The following PCNX2 variants were observed in gnomAD, a reference collection of about 807,000 sequenced individuals.
The protein encoded by PCNX2 is pecanex-like protein 2.
A neutral mutation model predicts 223.8 loss-of-function variants in PCNX2; 168 were observed. The ratio of observed to expected loss-of-function variants is 0.75; its 90% confidence interval spans 0.66 to 0.85. PCNX2 has a LOEUF of 0.85. PCNX2 is among the 40% of genes least tolerant of loss of function. The pLI, the probability that PCNX2 is intolerant of heterozygous loss-of-function variation, is 0.00. For synonymous variants in PCNX2, 1,006 were observed against 1,052.6 expected (o/e 0.96, Z 0.86); for missense variants, 2,507 against 2,675.5 (o/e 0.94, Z 1.39).
intron 23 of PCNX2, among the ~76,000 whole-genome samples, chr1:233,062,610 T>C (rs1216320177): frequency 6.6e-6 from 1 of 152,218 alleles, no homozygotes; most frequent in East Asian, 1.9e-4. Flanking sequence ...CTTTAATTTG[T>C]TTGCACTTGC....
At chr1:233,226,993 TGTTAATTTATTATTAATAA>T (rs1183229914) in intron 10 of PCNX2, among the ~76,000 whole-genome samples, 1 of 152,216 alleles carries the variant, frequency 6.6e-6, no homozygotes, top group Non-Finnish European at 1.5e-5. Context: ...ATTATTAATA[TGTTAATTTATTATTAATAA>T]GAGTTACTTA....
chr1:233,208,791 T>A, intron 12 of PCNX2, 102 bp from the exon 13 acceptor site: 1 of 360,414 alleles, frequency 2.8e-6, no homozygotes. Context: ...CTTATACATA[T>A]AACACATTTT....
At chr1:233,246,594 G>A (rs906380291) in intron 8 of PCNX2, among the ~76,000 whole-genome samples, 2 of 152,152 alleles carry the variant, frequency 1.3e-5, no homozygotes, top group African/African-American at 4.8e-5. Flanking sequence ...ACAAATGGTG[G>A]CTGTTACTAC....
At position 233,172,565 on chromosome 1, in the gene PCNX2, G is replaced by C. The variant is rs569336366; in HGVS notation, c.3273+5237C>G. On this transcript the variant is annotated intron_variant, in intron 17 of 33. Coordinates refer to ENST00000258229, the MANE Select transcript of PCNX2 (RefSeq NM_014801.4). ...AGAGTGTGGCACTTTGGTGTCCCAG[G>C]CTGATGATCCATGGTCTGGCATTGG... 5.1e-6 allele frequency: 5 copies of C among 984,712 alleles called. No individual in the cohort carries two copies. The African/African-American group carries it at 5.2e-5, about 10-fold the overall frequency. 61.0% of individuals were successfully genotyped at this position (984,712 alleles called of 1,614,324 possible).
chr1:233,277,375 C>T (rs1440322830), intron 1 of PCNX2, among the ~76,000 whole-genome samples: 1 of 152,174 alleles, frequency 6.6e-6, no homozygotes, highest in Admixed American at 6.5e-5. Context: ...TAATTTTCTC[C>T]AGCACTTCTT....
At chr1:233,286,425 GGCTGGCTA>G (rs1661448677) in intron 1 of PCNX2, among the ~76,000 whole-genome samples, 1 of 152,226 alleles carries the variant, frequency 6.6e-6, no homozygotes, top group African/African-American at 2.4e-5. Context: ...ATCAGAGACT[GGCTGGCTA>G]GCTGCTTTGA....
At chr1:233,041,688 C>G (rs942892066) in intron 25 of PCNX2, among the ~76,000 whole-genome samples, 1 of 152,226 alleles carries the variant, frequency 6.6e-6, no homozygotes, top group African/African-American at 2.4e-5. Context: ...ACAGCAGATC[C>G]AGGTATTCTG....
upstream of PCNX2, among the ~76,000 whole-genome samples, chr1:233,297,952 A>G (rs556331791): frequency 4.6e-5 from 7 of 152,316 alleles, no homozygotes; most frequent in East Asian, 1.2e-3. Context: ...TTGGGTTGAG[A>G]TGACTATACT....
intron 17 of PCNX2, among the ~76,000 whole-genome samples, chr1:233,168,518 T>C (rs1396176701): frequency 6.6e-6 from 1 of 152,104 alleles, no homozygotes; most frequent in East Asian, 1.9e-4. Context: ...TTTTCCATCT[T>C]GTGATATCAT....
chr1:233,098,849 T>G (rs938001301), intron 21 of PCNX2, among the ~76,000 whole-genome samples: 8 of 152,216 alleles, frequency 5.3e-5, no homozygotes, highest in African/African-American at 1.9e-4. Context: ...GATGATAATA[T>G]TACCCCCTCA....
chr1:233,272,421 T>G (rs1016808515), intron 1 of PCNX2, among the ~76,000 whole-genome samples: 1 of 151,976 alleles, frequency 6.6e-6, no homozygotes, highest in Admixed American at 6.5e-5. Context: ...ATCAGGGAGA[T>G]GCAAATCAAA....
chr1:233,129,159 G>A (rs1015478854), intron 21 of PCNX2, among the ~76,000 whole-genome samples: 3 of 152,246 alleles, frequency 2.0e-5, no homozygotes, highest in African/African-American at 2.4e-5. Flanking sequence ...TGTGCGTGGC[G>A]CTTGTGGGCC....
intron 15 of PCNX2, 116 bp from the exon 16 acceptor site, chr1:233,179,291 G>T (rs1572028726): frequency 1.9e-6 from 2 of 1,060,234 alleles, no homozygotes; most frequent in East Asian, 5.3e-5. Context: ...TTATTCCCAT[G>T]ATTATTCCTG....
chr1:233,022,208 G>A (rs984527605), intron 26 of PCNX2, among the ~76,000 whole-genome samples: 5 of 152,140 alleles, frequency 3.3e-5, no homozygotes, highest in African/African-American at 1.2e-4. Context: ...ACTGAATTAG[G>A]ATCTCTTCTG....
intron 12 of PCNX2, chr1:233,210,705 A>G (rs1413831341): frequency 2.1e-6 from 2 of 941,962 alleles, no homozygotes; most frequent in Admixed American, 6.2e-5. Flanking sequence ...TTTTTCCAGT[A>G]GAAAAATTCC....
intron 13 of PCNX2, among the ~76,000 whole-genome samples, chr1:233,204,469 C>A (rs1372732324): frequency 6.6e-6 from 1 of 152,158 alleles, no homozygotes; most frequent in Non-Finnish European, 1.5e-5. Context: ...CTTTTGTTTT[C>A]TCCCAATGTT....
rs1239431078 is a variant in PCNX2 at position 233,232,866 on chromosome 1, A to AATG, written c.2358+3976_2358+3978dup. ...AATGCTTGACCGTCATGCTATCCAT[A>AATG]ATGATAATAATAATAATAATGCCAC... On this transcript the variant is annotated intron_variant, in intron 9 of 33. Transcript: ENST00000258229. 3.0e-6 allele frequency: 3 copies of AATG among 985,122 alleles called. No individual in the cohort carries two copies. In the African/African-American group the frequency reaches 5.2e-5, roughly 17 times the overall value. 61.0% of individuals were successfully genotyped at this position (985,122 alleles called of 1,614,324 possible). A position where few individuals can be genotyped will look rare whatever the true frequency, so the allele number is the denominator to read the frequency against.
intron 23 of PCNX2, among the ~76,000 whole-genome samples, chr1:233,065,912 A>G (rs1397372884): frequency 6.6e-6 from 1 of 152,184 alleles, no homozygotes; most frequent in Admixed American, 6.5e-5. Context: ...AAGACAAATT[A>G]AAGCCTGAAA....
intron 25 of PCNX2, among the ~76,000 whole-genome samples, chr1:233,052,719 A>C (rs1572050042): frequency 6.6e-6 from 1 of 152,322 alleles, no homozygotes; most frequent in Non-Finnish European, 1.5e-5. Flanking sequence ...CTAGTGCATG[A>C]CATGTAATCA....
Sources: gnomAD v4.1 joint callset for allele counts (sites outside exome capture counted in the v4.1 genomes callset) on GRCh38, gnomAD v4.1.1 for gene constraint, MANE v1.5 for transcripts, NCBI Gene and HGNC (gene_info 2026-07-23, HGNC 2026-07-21) for gene names.